Variants in CPXM2 observed in about 807,000 individuals in gnomAD.
CPXM2 encodes the protein inactive carboxypeptidase-like protein X2.
In CPXM2, 66 loss-of-function variants were observed where a neutral mutation model predicts 86.1. That is an observed-to-expected ratio of 0.77 (90% CI 0.63 to 0.94). CPXM2 has a LOEUF of 0.94. Ranked by LOEUF, CPXM2 falls within the 40% of genes least tolerant of loss-of-function variation. CPXM2 has a pLI of 0.00. For missense variants in CPXM2, 948 were observed against 1,026.3 expected (o/e 0.92, Z 1.04); for synonymous variants, 388 against 400.2 (o/e 0.97, Z 0.36).
intron 2 of CPXM2, among the ~76,000 whole-genome samples, chr10:123,922,792 C>T (rs1945588275): frequency 6.6e-6 from 1 of 152,204 alleles, no homozygotes; most frequent in South Asian, 2.1e-4. Flanking sequence ...GGAAGAACTT[C>T]ATGTTGCAGC....
chr10:123,889,701 T>C (rs940632216), intron 1 of CPXM2, among the ~76,000 whole-genome samples: 1 of 152,144 alleles, frequency 6.6e-6, no homozygotes, highest in Non-Finnish European at 1.5e-5. Flanking sequence ...TTGCAAACGA[T>C]GATGAAGTTA....
chr10:123,914,212 A>G (rs1206999957), intron 2 of CPXM2: 1 of 398,320 alleles, frequency 2.5e-6, no homozygotes, highest in Non-Finnish European at 5.0e-6. Context: ...CCATGAGTCT[A>G]CTTCTTAATC....
At chr10:123,748,769 C>G (rs1846016760) in intron 13 of CPXM2, among the ~76,000 whole-genome samples, 1 of 152,130 alleles carries the variant, frequency 6.6e-6, no homozygotes, top group South Asian at 2.1e-4. Context: ...TGACTCGAGC[C>G]TCGCAGCAAA....
At chr10:123,780,420 C>G (rs1297563530) in intron 6 of CPXM2, among the ~76,000 whole-genome samples, 165 bp from the exon 7 acceptor site, 4 of 152,164 alleles carry the variant, frequency 2.6e-5, no homozygotes, top group African/African-American at 9.7e-5. Flanking sequence ...CTTAGGAGTC[C>G]AAATTACCCA....
At chr10:123,938,327 A>G (rs1945741823) in intron 2 of CPXM2, among the ~76,000 whole-genome samples, 1 of 152,218 alleles carries the variant, frequency 6.6e-6, no homozygotes, top group South Asian at 2.1e-4. Context: ...ACAGTTCCTT[A>G]TATCATGAAG....
At position 123,846,031 on chromosome 10, in the gene CPXM2, C is replaced by T. The variant is rs1848487577; in HGVS notation, c.514-3543G>A. ...AGACATTTTCAGATTCACAGACTCT[C>T]AAAAAATCTATTTTTCATACACCAT... On this transcript the variant is annotated intron_variant, in intron 3 of 13. Transcript: ENST00000241305. 2.6e-5 allele frequency among the ~76,000 whole-genome samples: 4 copies of T among 152,228 alleles called. No individual in the cohort carries two copies. The South Asian group carries it at 8.3e-4, about 32-fold the overall frequency.
intron 4 of CPXM2, among the ~76,000 whole-genome samples, chr10:123,808,817 T>C (rs1422802804): frequency 6.6e-6 from 1 of 152,206 alleles, no homozygotes; most frequent in Non-Finnish European, 1.5e-5. Context: ...TTTGTAATTA[T>C]CACATTTTTA....
intron 3 of CPXM2, 36 bp downstream of exon 3, chr10:123,862,578 G>A: frequency 1.3e-6 from 2 of 1,566,734 alleles, no homozygotes; most frequent in South Asian, 1.1e-5. Context: ...CAATAAACAA[G>A]GCAGTCAAAA....
chr10:123,783,297 G>A (rs961806372), intron 6 of CPXM2, among the ~76,000 whole-genome samples: 1 of 152,218 alleles, frequency 6.6e-6, no homozygotes, highest in African/African-American at 2.4e-5. Context: ...GATTCATCTT[G>A]AATTCTTTCT....
intron 3 of CPXM2, among the ~76,000 whole-genome samples, chr10:123,859,836 G>A (rs969093783): frequency 2.6e-5 from 4 of 152,188 alleles, no homozygotes; most frequent in Non-Finnish European, 4.4e-5. Flanking sequence ...GGCCTCTCAC[G>A]GGTGAAAGAC....
At chr10:123,916,234 A>C (rs964144034) in intron 2 of CPXM2, among the ~76,000 whole-genome samples, 1 of 152,144 alleles carries the variant, frequency 6.6e-6, no homozygotes, top group African/African-American at 2.4e-5. Flanking sequence ...GCAAAATGCT[A>C]TTATATGTGG....
At chr10:123,774,814 T>C (rs996669730) in intron 7 of CPXM2, among the ~76,000 whole-genome samples, 1 of 152,194 alleles carries the variant, frequency 6.6e-6, no homozygotes, top group African/African-American at 2.4e-5. Flanking sequence ...GCAAAGGACA[T>C]GTAGCTTCTA....
chr10:123,795,161 A>ACAC (rs1278844801), intron 6 of CPXM2, among the ~76,000 whole-genome samples: 1 of 152,208 alleles, frequency 6.6e-6, no homozygotes, highest in Non-Finnish European at 1.5e-5. Flanking sequence ...ATGAGTACAT[A>ACAC]CACCTTGCTG....
At chr10:123,889,052 C>A (rs1945224164) in intron 1 of CPXM2, among the ~76,000 whole-genome samples, 1 of 152,198 alleles carries the variant, frequency 6.6e-6, no homozygotes, top group Non-Finnish European at 1.5e-5. Flanking sequence ...CTTTTTCTTG[C>A]AAATTCAGGT....
Position 123,754,686 on chromosome 10 carries a change from C to A in CPXM2, c.1994G>T (p.Gly665Val), listed in dbSNP as rs764423566. ...GIPNAIISVE[G>V]INHDIRTAND... ...ACCTGTTCGGATGTCATGGTTAATGCCTTCTACGGAGATAATGGCGTTTGG... is the reference window on the plus strand; with the variant it reads ...ACCTGTTCGGATGTCATGGTTAATGACTTCTACGGAGATAATGGCGTTTGG... Residue 665 changes from glycine (G) to valine (V), a missense_variant, in exon 13 of 14, where the codon GGC becomes GTC. Transcript: ENST00000241305. The surrounding 1 kb of genome is among the most constrained non-coding windows in gnomAD (Gnocchi z 4.0). 3.7e-6 allele frequency: 6 copies of A among 1,600,272 alleles called. No individual in the cohort carries two copies. The highest frequency in any genetic ancestry group is 2.2e-5 in the East Asian group (1 of 44,824).
chr10:123,827,892 G>A (rs1848081109), intron 4 of CPXM2, among the ~76,000 whole-genome samples: 1 of 152,168 alleles, frequency 6.6e-6, no homozygotes, highest in African/African-American at 2.4e-5. Flanking sequence ...GGGTGGGCAA[G>A]GTGGCTCACA....
intron 6 of CPXM2, among the ~76,000 whole-genome samples, chr10:123,792,723 C>A (rs2134055376): frequency 6.6e-6 from 1 of 152,356 alleles, no homozygotes; most frequent in East Asian, 1.9e-4. Flanking sequence ...ACGCTGATTG[C>A]CCAGGCTGCC....
At chr10:123,925,219 T>C (rs1041938478) in intron 2 of CPXM2, among the ~76,000 whole-genome samples, 2 of 152,190 alleles carry the variant, frequency 1.3e-5, no homozygotes, top group African/African-American at 2.4e-5. Flanking sequence ...TACATGTTTC[T>C]AGCAGGGAGA....
chr10:123,752,835 G>A (rs1194129795), intron 13 of CPXM2, among the ~76,000 whole-genome samples: 1 of 152,184 alleles, frequency 6.6e-6, no homozygotes, highest in East Asian at 1.9e-4. Context: ...CTGCTCAGAA[G>A]TGGCCAGGCA....
Sources: gnomAD v4.1 joint callset for allele counts (sites outside exome capture counted in the v4.1 genomes callset) on GRCh38, gnomAD v4.1.1 for gene constraint, Gnocchi (gnomAD v3.1) non-coding constraint, MANE v1.5 for transcripts, NCBI Gene and HGNC (gene_info 2026-07-23, HGNC 2026-07-21) for gene names.